Variants in CEP112 observed in about 807,000 individuals in gnomAD.
The protein encoded by CEP112 is centrosomal protein of 112 kDa.
Under a neutral mutation model 153.0 loss-of-function variants are expected in CEP112, and 127 were observed. The ratio of observed to expected loss-of-function variants is 0.83; its 90% confidence interval spans 0.72 to 0.96. The LOEUF (loss-of-function observed/expected upper bound fraction) is 0.96, where lower values mean the gene tolerates loss of function less well. CEP112 is among the 40% of genes least tolerant of loss of function. The pLI is 0.00. For missense variants in CEP112, 1,089 were observed against 1,101.2 expected (o/e 0.99, Z 0.16); for synonymous variants, 358 against 374.4 (o/e 0.96, Z 0.51).
intron 24 of CEP112, among the ~76,000 whole-genome samples, chr17:65,681,674 A>G (rs942554503): frequency 1.1e-4 from 14 of 130,932 alleles, no homozygotes; most frequent in Admixed American, 8.0e-4. Flanking sequence ...TCCTTTTTTT[A>G]ATTTTTTTTT....
chr17:65,638,647 C>G (rs62065696), intron 25 of CEP112, among the ~76,000 whole-genome samples: 2,759 of 152,276 alleles, frequency 0.018, 45 homozygotes, highest in African/African-American at 0.043. Context: ...TTCAACTTCC[C>G]TCCCCCAACC....
chr17:65,754,454 C>T (rs1399820663), intron 21 of CEP112, among the ~76,000 whole-genome samples: 1 of 151,962 alleles, frequency 6.6e-6, no homozygotes, highest in Non-Finnish European at 1.5e-5. Flanking sequence ...ACAAAAAATA[C>T]AAAAATTAGC....
chr17:65,688,773 G>GT (rs34940568), intron 24 of CEP112: 461 of 160,768 alleles, frequency 2.9e-3, no homozygotes, highest in East Asian at 5.9e-3. Context: ...GTGTAAACTT[G>GT]TTTTTTTTTT....
chr17:65,988,846 T>C (rs1367694338), intron 17 of CEP112, among the ~76,000 whole-genome samples: 2 of 151,912 alleles, frequency 1.3e-5, no homozygotes, highest in African/African-American at 2.4e-5. Context: ...CAGTGAGAGG[T>C]AGAAAGCTTA....
At chr17:65,795,169 G>A (rs1052436165) in intron 21 of CEP112, among the ~76,000 whole-genome samples, 1 of 152,150 alleles carries the variant, frequency 6.6e-6, no homozygotes, top group Non-Finnish European at 1.5e-5. Context: ...CATAATAGTG[G>A]GAGGTAGGAT....
chr17:65,795,823 A>G (rs578166040), intron 21 of CEP112, among the ~76,000 whole-genome samples: 1 of 152,282 alleles, frequency 6.6e-6, no homozygotes, highest in African/African-American at 2.4e-5. Context: ...AAATAAATAA[A>G]TAAATAAATA....
chr17:66,045,799 T>C (rs1270733971), intron 12 of CEP112, among the ~76,000 whole-genome samples: 2 of 152,320 alleles, frequency 1.3e-5, no homozygotes, highest in Middle Eastern at 3.4e-3. Context: ...AGAGCAGCAG[T>C]TCTCAAAGTT....
At chr17:65,857,268 C>G (rs2058154170) in intron 20 of CEP112, among the ~76,000 whole-genome samples, 1 of 152,102 alleles carries the variant, frequency 6.6e-6, no homozygotes, top group African/African-American at 2.4e-5. Context: ...CAAAACAGAA[C>G]AACAACAACA....
intron 16 of CEP112, among the ~76,000 whole-genome samples, chr17:66,023,052 G>A (rs561775431): frequency 6.6e-6 from 1 of 152,144 alleles, no homozygotes; most frequent in South Asian, 2.1e-4. Context: ...CAAAGCCTTT[G>A]AGAAGTATGG....
In CEP112 at chr17:66,004,253, G is replaced by A. The variant is rs373390818; in HGVS notation, c.1736+1437C>T. 1.6e-4 allele frequency among the ~76,000 whole-genome samples: 24 copies of A among 151,968 alleles called. No individual in the cohort carries two copies. The East Asian group carries it at 2.9e-3, about 18-fold the overall frequency. Reference sequence around the variant, plus strand: ...TACCAGCACTTTGGGAGGCCGAGGCGGGCGGATCACGAGGTCAGGAGTTCG... The same window carrying A: ...TACCAGCACTTTGGGAGGCCGAGGCAGGCGGATCACGAGGTCAGGAGTTCG... On this transcript the variant is annotated intron_variant, in intron 17 of 26. Coordinates refer to ENST00000535342, the MANE Select transcript of CEP112 (RefSeq NM_001199165.4).
chr17:66,085,546 A>T (rs1011844514), intron 8 of CEP112, among the ~76,000 whole-genome samples: 5 of 152,252 alleles, frequency 3.3e-5, no homozygotes, highest in Non-Finnish European at 7.3e-5. Flanking sequence ...AATACTCTAA[A>T]CAGCCTACAT....
At chr17:65,773,468 G>A (rs1479494079) in intron 21 of CEP112, among the ~76,000 whole-genome samples, 1 of 152,044 alleles carries the variant, frequency 6.6e-6, no homozygotes, top group Non-Finnish European at 1.5e-5. Flanking sequence ...TCAGATTGTG[G>A]TGATGGTATA....
At chr17:65,851,268 G>C (rs1332374893) in intron 21 of CEP112, among the ~76,000 whole-genome samples, 1 of 152,032 alleles carries the variant, frequency 6.6e-6, no homozygotes, top group South Asian at 2.1e-4. Flanking sequence ...TTTAATATAA[G>C]TCCAATCAAA....
chr17:66,095,303 TAC>T (rs142218222), intron 8 of CEP112, among the ~76,000 whole-genome samples: 51 of 150,570 alleles, frequency 3.4e-4, no homozygotes, highest in East Asian at 2.7e-3. Flanking sequence ...CACACACACA[TAC>T]ACACACACAC....
At chr17:65,641,134 C>A in intron 24 of CEP112, 69 bp from the exon 25 acceptor site, 1 of 833,846 alleles carries the variant, frequency 1.2e-6, no homozygotes, top group Non-Finnish European at 2.1e-6. Flanking sequence ...TAAGAAGTCC[C>A]AGAACAGATC....
At chr17:65,705,097 A>G (rs2048849846) in intron 23 of CEP112, among the ~76,000 whole-genome samples, 1 of 152,218 alleles carries the variant, frequency 6.6e-6, no homozygotes, top group Admixed American at 6.5e-5. Flanking sequence ...AAAAATGATT[A>G]GTGACCTACT....
chr17:65,864,769 G>A (rs1348412770), intron 20 of CEP112, among the ~76,000 whole-genome samples: 6 of 152,074 alleles, frequency 3.9e-5, no homozygotes, highest in Admixed American at 6.5e-5. Context: ...CGTAAATGCC[G>A]CAGGACCAAA....
intron 20 of CEP112, among the ~76,000 whole-genome samples, chr17:65,896,499 C>G (rs886551822): frequency 6.6e-6 from 1 of 151,876 alleles, no homozygotes; most frequent in Non-Finnish European, 1.5e-5. Context: ...TAACTAAATA[C>G]TTAAGAAATA....
intron 21 of CEP112, among the ~76,000 whole-genome samples, chr17:65,845,319 C>CA (rs760350571): frequency 8.0e-5 from 12 of 150,806 alleles, no homozygotes; most frequent in Admixed American, 2.0e-4. Context: ...AACTCCATCT[C>CA]AAAAAAAACA....
Sources: gnomAD v4.1 joint callset for allele counts (sites outside exome capture counted in the v4.1 genomes callset) on GRCh38, gnomAD v4.1.1 for gene constraint, MANE v1.5 for transcripts, NCBI Gene and HGNC (gene_info 2026-07-23, HGNC 2026-07-21) for gene names.